Variants in CLSTN2 observed in about 807,000 individuals in gnomAD.
CLSTN2 encodes the protein calsyntenin-2.
A neutral mutation model predicts 101.2 loss-of-function variants in CLSTN2; 48 were observed. The observed-to-expected ratio is 0.47, with a 90% CI of 0.38 to 0.60. The LOEUF is 0.60. Among genes scored for constraint, CLSTN2 ranks in the 20% least tolerant of loss-of-function variants. CLSTN2 has a pLI of 0.00. For synonymous variants in CLSTN2, 481 were observed against 463.6 expected, an observed-to-expected ratio of 1.04 and a Z score of -0.48; for missense variants, 1,160 against 1,238.2, an observed-to-expected ratio of 0.94 and a Z score of 0.95.
At chr3:140,072,600 C>T (rs1020717408) in intron 1 of CLSTN2, among the ~76,000 whole-genome samples, 4 of 152,104 alleles carry the variant, frequency 2.6e-5, no homozygotes, top group Non-Finnish European at 2.9e-5. Flanking sequence ...GAAGGGAAGG[C>T]CTGTTTACAA....
intron 1 of CLSTN2, among the ~76,000 whole-genome samples, chr3:140,128,271 G>A (rs982412887): frequency 2.6e-5 from 4 of 152,208 alleles, no homozygotes; most frequent in African/African-American, 9.6e-5. Flanking sequence ...TCTTGGGCGA[G>A]GGAGGAGATA....
chr3:139,963,825 C>G (rs894813003), intron 1 of CLSTN2, among the ~76,000 whole-genome samples: 1 of 152,200 alleles, frequency 6.6e-6, no homozygotes, highest in African/African-American at 2.4e-5. Context: ...GGAGCTCTTC[C>G]TGGGCAGAGT....
At chr3:139,958,634 G>A (rs1442987717) in intron 1 of CLSTN2, among the ~76,000 whole-genome samples, 1 of 151,680 alleles carries the variant, frequency 6.6e-6, no homozygotes, top group Non-Finnish European at 1.5e-5. Flanking sequence ...AGCACACCTG[G>A]CAGCTCTGTG....
intron 2 of CLSTN2, among the ~76,000 whole-genome samples, chr3:140,177,398 A>G (rs2010341097): frequency 6.6e-6 from 1 of 152,216 alleles, no homozygotes; most frequent in African/African-American, 2.4e-5. Context: ...TAATAATGGT[A>G]TTAGTCAGTA....
intron 2 of CLSTN2, among the ~76,000 whole-genome samples, chr3:140,209,249 C>T (rs2010825072): frequency 1.3e-5 from 2 of 152,014 alleles, no homozygotes; most frequent in African/African-American, 4.8e-5. Context: ...GAACTAGGCT[C>T]CCTTCAATAG....
At chr3:140,563,250 T>G (rs778960611) in intron 15 of CLSTN2, 47 bp downstream of exon 15, 1 of 1,592,408 alleles carries the variant, frequency 6.3e-7, no homozygotes, top group South Asian at 1.1e-5. Flanking sequence ...GTCGTCATTG[T>G]GACTCAAGAT....
At chr3:140,210,515 A>C (rs2010841921) in intron 2 of CLSTN2, among the ~76,000 whole-genome samples, 1 of 152,176 alleles carries the variant, frequency 6.6e-6, no homozygotes, top group African/African-American at 2.4e-5. Flanking sequence ...TGAGGTACAG[A>C]CTTCTCAAAT....
intron 5 of CLSTN2, among the ~76,000 whole-genome samples, chr3:140,444,459 G>C (rs1294861642): frequency 6.6e-6 from 1 of 151,874 alleles, no homozygotes; most frequent in African/African-American, 2.4e-5. Flanking sequence ...CATGGCCTTG[G>C]GCAAGTCACA....
intron 8 of CLSTN2, among the ~76,000 whole-genome samples, chr3:140,489,419 C>A (rs1046053645): frequency 6.6e-6 from 1 of 152,094 alleles, no homozygotes; most frequent in Non-Finnish European, 1.5e-5. Context: ...GTTTTCTGGG[C>A]CCTATGGCAG....
At chr3:139,940,747 T>TTTCACTAGTCTATGGATGTC (rs1312828251) in intron 1 of CLSTN2, among the ~76,000 whole-genome samples, 3 of 152,170 alleles carry the variant, frequency 2.0e-5, no homozygotes, top group Non-Finnish European at 4.4e-5. Flanking sequence ...ACATGCTTTT[T>TTTCACTAGTCTATGGATGTC]TTCACTAGTC....
chr3:140,032,246 T>G (rs2007568293), intron 1 of CLSTN2, among the ~76,000 whole-genome samples: 1 of 152,192 alleles, frequency 6.6e-6, no homozygotes, highest in South Asian at 2.1e-4. Context: ...ACCTTTTTTT[T>G]TTTTTGAGTC....
chr3:140,111,500 C>T (rs1400713013), intron 1 of CLSTN2, among the ~76,000 whole-genome samples: 1 of 152,110 alleles, frequency 6.6e-6, no homozygotes, highest in Non-Finnish European at 1.5e-5. Flanking sequence ...AGCAGAGTCT[C>T]TGTTTAGGCC....
At chr3:140,003,774 A>G (rs1042393880) in intron 1 of CLSTN2, among the ~76,000 whole-genome samples, 1 of 152,226 alleles carries the variant, frequency 6.6e-6, no homozygotes, top group South Asian at 2.1e-4. Context: ...TTTAGCATCA[A>G]TTGAAATAAT....
chr3:140,363,912 C>G (rs1459904809), intron 2 of CLSTN2, among the ~76,000 whole-genome samples: 2 of 152,180 alleles, frequency 1.3e-5, no homozygotes, highest in African/African-American at 4.8e-5. Flanking sequence ...GGCAGGAAAC[C>G]CTGACTGGGA....
At chr3:140,521,666 T>TG (rs1935027966) in intron 8 of CLSTN2, among the ~76,000 whole-genome samples, 1 of 152,196 alleles carries the variant, frequency 6.6e-6, no homozygotes, top group African/African-American at 2.4e-5. Context: ...TGCTGCATTG[T>TG]GGGGGACCCT....
intron 2 of CLSTN2, among the ~76,000 whole-genome samples, chr3:140,322,451 G>A (rs931672248): frequency 2.0e-5 from 3 of 152,218 alleles, no homozygotes; most frequent in Admixed American, 6.5e-5. Context: ...CAAATGTGAC[G>A]CAGAGCAAGA....
At chr3:140,129,866 C>G (rs936835143) in intron 1 of CLSTN2, among the ~76,000 whole-genome samples, 1 of 152,138 alleles carries the variant, frequency 6.6e-6, no homozygotes, top group Non-Finnish European at 1.5e-5. Context: ...CATCGTGGAG[C>G]CCCTTGTCAC....
chr3:140,302,738 A>G (rs34648747), intron 2 of CLSTN2, among the ~76,000 whole-genome samples: 4,384 of 152,302 alleles, frequency 0.029, 122 homozygotes, highest in South Asian at 0.085. Flanking sequence ...GTCCAGCTGC[A>G]GGAGTGAGGC....
chr3:140,492,401 C>T (rs1009702605), intron 8 of CLSTN2, among the ~76,000 whole-genome samples: 23 of 152,166 alleles, frequency 1.5e-4, no homozygotes, highest in Non-Finnish European at 2.9e-5. Flanking sequence ...ATTGAAAGAA[C>T]TAAAACCTAT....
Sources: allele counts gnomAD v4.1 joint callset (sites outside exome capture counted in the v4.1 genomes callset), GRCh38; gene constraint gnomAD v4.1.1; transcripts MANE v1.5; gene names NCBI Gene and HGNC (gene_info 2026-07-23, HGNC 2026-07-21).